The following TRAF3IP3 variants were observed in gnomAD, a reference collection of about 807,000 sequenced individuals.
TRAF3IP3 encodes the protein TRAF3 interacting protein 3.
In TRAF3IP3, 64 loss-of-function variants were observed where a neutral mutation model predicts 86.5. The observed-to-expected ratio is 0.74, with a 90% CI of 0.60 to 0.91. The LOEUF is 0.91. TRAF3IP3 is among the 40% of genes least tolerant of loss of function. The pLI, the probability that TRAF3IP3 is intolerant of heterozygous loss-of-function variation, is 0.00. For missense variants in TRAF3IP3, 579 were observed against 642.9 expected (o/e 0.90, Z 1.07); for synonymous variants, 220 against 243.9 (o/e 0.90, Z 0.91).
At chr1:209,773,802 C>A (rs562769396) in intron 9 of TRAF3IP3, among the ~76,000 whole-genome samples, 1 of 152,294 alleles carries the variant, frequency 6.6e-6, no homozygotes, top group Non-Finnish European at 1.5e-5. Flanking sequence ...TAATGCCAAC[C>A]AAGTTCACAG....
chr1:209,773,582 T>C (rs754287145), intron 9 of TRAF3IP3, among the ~76,000 whole-genome samples: 12 of 152,188 alleles, frequency 7.9e-5, no homozygotes, highest in Non-Finnish European at 1.8e-4. Flanking sequence ...GCTTTCACAT[T>C]TGAGAAGTGA....
At chr1:209,765,241 G>A (rs7519878) in intron 8 of TRAF3IP3, among the ~76,000 whole-genome samples, 35,436 of 94,690 alleles carry the variant, frequency 0.37, 6,303 homozygotes, top group African/African-American at 0.48. Flanking sequence ...AAGGAAGGAA[G>A]GAAGGAAGGA....
At chr1:209,777,058 C>T (rs1284307381) in intron 11 of TRAF3IP3, 3 of 201,544 alleles carry the variant, frequency 1.5e-5, no homozygotes, top group Non-Finnish European at 3.0e-5. Flanking sequence ...CACCACTGCA[C>T]TCCAGTCTGG....
intron 9 of TRAF3IP3, among the ~76,000 whole-genome samples, chr1:209,773,558 A>C (rs1047540911): frequency 3.9e-4 from 59 of 152,224 alleles, no homozygotes; most frequent in Admixed American, 6.5e-4. Context: ...TTTATAAGAG[A>C]TAGAAAGAAA....
chr1:209,762,967 C>A (rs1209748016), intron 5 of TRAF3IP3, 97 bp downstream of exon 5: 1 of 1,588,678 alleles, frequency 6.3e-7, no homozygotes, highest in African/African-American at 1.3e-5. Flanking sequence ...AAAGAGGAAG[C>A]CCTTCCCCAC....
In TRAF3IP3 at chr1:209,763,548, A is replaced by G. The variant is rs758690964; in HGVS notation, c.663A>G (p.Leu221=). 15 of 1,614,058 alleles carry G rather than the reference A, an allele frequency of 9.3e-6. No individual in the cohort carries two copies. The highest frequency in any genetic ancestry group is 1.2e-5 in the Non-Finnish European group (14 of 1,180,028). ...AGAAAATGGTGATTCTCCAAGACCT[A>G]CTGTCCACTCTGATTCAGGCCTCTG... The part of the protein sequence containing the change: ...LKQKMVILQD[L]LSTLIQASDS... Residue 221 remains leucine (L), a synonymous_variant, in exon 8 of 17, where the codon CTA becomes CTG. Transcript: ENST00000367025.
chr1:209,775,150 C>G, intron 9 of TRAF3IP3, 199 bp from the exon 10 acceptor site: 1 of 593,530 alleles, frequency 1.7e-6, no homozygotes, highest in South Asian at 2.1e-5. Flanking sequence ...GCCTAGGGCA[C>G]TGTTTATTAT....
In TRAF3IP3 at chr1:209,775,495, G is replaced by C. The variant is rs1306733573; in HGVS notation, c.915+6G>C. ...AGCAACTACAGAGCACACAGGTATG[G>C]GGATGCCACATAGACATGGGGCTGG... On this transcript the variant is annotated splice_donor_region_variant and intron_variant, in intron 10 of 16. Transcript: ENST00000367025. 3.1e-6 allele frequency: 5 copies of C among 1,614,190 alleles called. No individual in the cohort carries two copies. The Admixed American group carries it at 8.3e-5, about 27-fold the overall frequency.
chr1:209,780,901 A>T (rs2077763710), intron 15 of TRAF3IP3: 1 of 205,248 alleles, frequency 4.9e-6, no homozygotes, highest in Admixed American at 5.8e-5. Flanking sequence ...CACATTGAGT[A>T]TCTTAAGTCT....
At chr1:209,769,572 C>T (rs778548068) in intron 8 of TRAF3IP3, among the ~76,000 whole-genome samples, 5 of 152,220 alleles carry the variant, frequency 3.3e-5, no homozygotes, top group Non-Finnish European at 7.3e-5. Context: ...TGGGGGCACC[C>T]CCTGGCTCCC....
chr1:209,763,153 A>G, intron 6 of TRAF3IP3, 61 bp downstream of exon 6: 1 of 1,570,598 alleles, frequency 6.4e-7, no homozygotes. Context: ...GACATTCTGG[A>G]ATTCCATGAT....
At chr1:209,757,819 G>C (rs2077180391) in intron 1 of TRAF3IP3, among the ~76,000 whole-genome samples, 1 of 152,178 alleles carries the variant, frequency 6.6e-6, no homozygotes, top group Non-Finnish European at 1.5e-5. Context: ...AACATTTATT[G>C]TGTGCTCCAT....
At chr1:209,759,409 A>C (rs1462201577) in intron 2 of TRAF3IP3, among the ~76,000 whole-genome samples, 1 of 152,196 alleles carries the variant, frequency 6.6e-6, no homozygotes, top group African/African-American at 2.4e-5. Context: ...AGTCAAGAAG[A>C]GAGCAGTGGG....
intron 8 of TRAF3IP3, among the ~76,000 whole-genome samples, chr1:209,765,345 T>C (rs899284147): frequency 6.6e-6 from 1 of 151,978 alleles, no homozygotes; most frequent in African/African-American, 2.4e-5. Flanking sequence ...GAGAGTAAAA[T>C]TTTTCATGCT....
At chr1:209,771,554 GGT>G (rs2077526754) in intron 8 of TRAF3IP3, among the ~76,000 whole-genome samples, 1 of 144,632 alleles carries the variant, frequency 6.9e-6, no homozygotes, top group African/African-American at 2.6e-5. Context: ...TGCAGGTGGA[GGT>G]GTATGTGTGC....
intron 8 of TRAF3IP3, among the ~76,000 whole-genome samples, chr1:209,767,603 T>C (rs182931240): frequency 3.3e-5 from 5 of 151,488 alleles, no homozygotes; most frequent in Admixed American, 2.0e-4. Flanking sequence ...GGCAGGAGGA[T>C]CGCTTGAGCC....
intron 8 of TRAF3IP3, among the ~76,000 whole-genome samples, chr1:209,765,055 A>T (rs2077316223): frequency 6.6e-6 from 1 of 151,768 alleles, no homozygotes; most frequent in African/African-American, 2.4e-5. Context: ...CACACCTGTA[A>T]TCTCAGCTAC....
chr1:209,780,801 T>G (rs190495970), intron 15 of TRAF3IP3, 195 bp downstream of exon 15: 1 of 386,386 alleles, frequency 2.6e-6, no homozygotes, highest in East Asian at 4.4e-5. Flanking sequence ...CCAACTCCTA[T>G]TCAAGGTTTT....
chr1:209,775,077 G>C (rs1019359123), intron 9 of TRAF3IP3, among the ~76,000 whole-genome samples: 8 of 152,088 alleles, frequency 5.3e-5, no homozygotes, highest in African/African-American at 1.9e-4. Flanking sequence ...AGAAAGATGA[G>C]TCCTGTTTAG....
Sources: gnomAD v4.1 joint callset for allele counts (sites outside exome capture counted in the v4.1 genomes callset) on GRCh38, gnomAD v4.1.1 for gene constraint, MANE v1.5 for transcripts, NCBI Gene and HGNC (gene_info 2026-07-23, HGNC 2026-07-21) for gene names.